Variants in LSAMP observed in about 807,000 individuals in gnomAD.
LSAMP encodes the protein limbic system associated membrane protein.
A neutral mutation model predicts 38.6 loss-of-function variants in LSAMP; 7 were observed. That is an observed-to-expected ratio of 0.18 (90% CI 0.10 to 0.34). The LOEUF (loss-of-function observed/expected upper bound fraction) is 0.34. LSAMP is among the 10% of genes least tolerant of loss of function. The pLI is 1.00. For synonymous variants in LSAMP, 154 were observed against 166.8 expected (o/e 0.92, Z 0.59); for missense variants, 313 against 420.0 (o/e 0.75, Z 2.23).
rs1336948303 is a variant in LSAMP at position 115,806,721 on chromosome 3, G to A, written c.*3596C>T. 6.6e-6 allele frequency: 1 copy of A among 152,192 alleles called. No homozygotes were observed. Among genetic ancestry groups the A allele is most frequent in the Non-Finnish European group, 1.5e-5 (1 of 68,030 alleles). 9.4% of individuals were successfully genotyped at this position (152,192 alleles called of 1,614,324 possible). A position where few individuals can be genotyped will look rare whatever the true frequency, so the allele number is the denominator to read the frequency against. On this transcript the variant is annotated 3_prime_UTR_variant, in exon 7 of 7. Transcript: ENST00000490035. ...GGAAGAGAAGGCAAAGGTCAATGGG[G>A]CAGTCCTTCCTGAGAGAAAACCCAT...
chr3:116,245,441 G>T (rs1351525135), intron 1 of LSAMP, among the ~76,000 whole-genome samples: 4 of 152,102 alleles, frequency 2.6e-5, no homozygotes, highest in Admixed American at 1.3e-4. Context: ...TATTGCCCAA[G>T]GAGTGAAATT....
At chr3:116,133,312 A>G (rs955563686) in intron 1 of LSAMP, among the ~76,000 whole-genome samples, 7 of 150,398 alleles carry the variant, frequency 4.7e-5, no homozygotes, top group Admixed American at 3.3e-4. Flanking sequence ...TGTTTTGGAG[A>G]TAGGATCTCA....
intron 1 of LSAMP, among the ~76,000 whole-genome samples, chr3:116,343,664 A>G (rs1245476874): frequency 6.6e-6 from 1 of 152,016 alleles, no homozygotes; most frequent in African/African-American, 2.4e-5. Flanking sequence ...CTCTGTGTTG[A>G]TTATTAATGG....
intron 3 of LSAMP, among the ~76,000 whole-genome samples, chr3:115,944,820 A>G (rs530833913): frequency 6.6e-6 from 1 of 152,298 alleles, no homozygotes; most frequent in African/African-American, 2.4e-5. Flanking sequence ...TTTAACCTCT[A>G]TGGTATAGCG....
chr3:116,161,463 G>A (rs994568230), intron 1 of LSAMP, among the ~76,000 whole-genome samples: 2 of 152,162 alleles, frequency 1.3e-5, no homozygotes, highest in African/African-American at 4.8e-5. Flanking sequence ...ACTGAATACT[G>A]AGCAGTGGGT....
chr3:116,357,189 G>A lies in LSAMP; in HGVS notation c.155+87688C>T, dbSNP rs945126918. Among the ~76,000 whole-genome samples the A allele has an allele frequency of 2.0e-5, 3 of 151,986 alleles. 1 individual carries two copies. The highest frequency in any genetic ancestry group is 6.6e-5 in the Admixed American group (1 of 15,260). ...TTGAATTGCCAAACAAGATTACCAG[G>A]TACGACTACCCCAGTATTACTTTTT... On this transcript the variant is annotated intron_variant, in intron 1 of 6. Transcript: ENST00000490035.
chr3:115,989,104 G>A (rs1939595471), intron 3 of LSAMP, among the ~76,000 whole-genome samples: 1 of 152,074 alleles, frequency 6.6e-6, no homozygotes, highest in Admixed American at 6.6e-5. Flanking sequence ...TTCAAGTTAT[G>A]TGGTAAATAG....
At chr3:115,906,643 T>A (rs1415974757) in intron 3 of LSAMP, among the ~76,000 whole-genome samples, 1 of 152,184 alleles carries the variant, frequency 6.6e-6, no homozygotes, top group African/African-American at 2.4e-5. Context: ...TTTGTTCATC[T>A]GTAAAGTAAA....
intron 3 of LSAMP, among the ~76,000 whole-genome samples, chr3:115,859,189 C>A (rs970824304): frequency 6.6e-6 from 1 of 152,112 alleles, no homozygotes; most frequent in African/African-American, 2.4e-5. Context: ...AAGGCTGAAA[C>A]CACTTCTCAT....
chr3:115,851,059 C>T (rs2107520914), intron 4 of LSAMP, among the ~76,000 whole-genome samples: 1 of 152,154 alleles, frequency 6.6e-6, no homozygotes, highest in East Asian at 1.9e-4. Flanking sequence ...CTGCAACCTC[C>T]ACCTTCTGGG....
At chr3:116,353,212 C>T (rs935316600) in intron 1 of LSAMP, among the ~76,000 whole-genome samples, 1 of 151,894 alleles carries the variant, frequency 6.6e-6, no homozygotes, top group African/African-American at 2.4e-5. Context: ...ATACTGCATG[C>T]CTAGAAATAT....
intron 1 of LSAMP, among the ~76,000 whole-genome samples, chr3:116,161,380 G>A (rs912090578): frequency 9.9e-5 from 15 of 152,152 alleles, no homozygotes; most frequent in African/African-American, 2.2e-4. Flanking sequence ...TGTAAATAGC[G>A]AGTAATATTA....
chr3:116,091,171 C>T (rs1708114987), intron 1 of LSAMP, among the ~76,000 whole-genome samples: 1 of 152,194 alleles, frequency 6.6e-6, no homozygotes, highest in African/African-American at 2.4e-5. Context: ...AAAAAGAATT[C>T]AGTGATATTT....
chr3:116,081,613 A>G (rs1707874776), intron 2 of LSAMP, among the ~76,000 whole-genome samples: 2 of 152,132 alleles, frequency 1.3e-5, no homozygotes, highest in Admixed American at 6.5e-5. Context: ...GAGATTTTAA[A>G]AACACACACC....
chr3:116,256,404 C>T (rs939721976), intron 1 of LSAMP, among the ~76,000 whole-genome samples: 10 of 152,114 alleles, frequency 6.6e-5, no homozygotes, highest in South Asian at 4.1e-4. Flanking sequence ...GTTTTCCTCC[C>T]CCTACTCAGG....
At chr3:116,154,217 A>C (rs910299888) in intron 1 of LSAMP, among the ~76,000 whole-genome samples, 1 of 152,156 alleles carries the variant, frequency 6.6e-6, no homozygotes, top group African/African-American at 2.4e-5. Context: ...GATAATTATT[A>C]ATCACAAATA....
chr3:115,940,626 TG>T (rs1386505346), intron 3 of LSAMP, among the ~76,000 whole-genome samples: 1 of 152,198 alleles, frequency 6.6e-6, no homozygotes, highest in Non-Finnish European at 1.5e-5. Flanking sequence ...CTTTTATACA[TG>T]GATATCCAAT....
At chr3:116,396,998 G>A (rs933408132) in intron 1 of LSAMP, among the ~76,000 whole-genome samples, 3 of 152,146 alleles carry the variant, frequency 2.0e-5, no homozygotes, top group Non-Finnish European at 4.4e-5. Context: ...ATGCTATCAT[G>A]ATTACAATGC....
At chr3:115,936,760 C>G (rs555610465) in intron 3 of LSAMP, among the ~76,000 whole-genome samples, 1 of 152,198 alleles carries the variant, frequency 6.6e-6, no homozygotes, top group Admixed American at 6.5e-5. Context: ...CTGCAATATT[C>G]TGGGCACAGT....
Sources: allele counts gnomAD v4.1 joint callset (sites outside exome capture counted in the v4.1 genomes callset), GRCh38; gene constraint gnomAD v4.1.1; transcripts MANE v1.5; gene names NCBI Gene and HGNC (gene_info 2026-07-23, HGNC 2026-07-21).